The following CFAP20DC variants were observed in gnomAD, a reference collection of about 807,000 sequenced individuals.
CFAP20DC encodes CFAP20 domain containing.
A neutral mutation model predicts 101.7 loss-of-function variants in CFAP20DC; 84 were observed. The ratio of observed to expected loss-of-function variants is 0.83; its 90% CI spans 0.69 to 0.99. The LOEUF is 0.99. Among genes scored for constraint, CFAP20DC ranks in the 50% least tolerant of loss-of-function variants. The probability of loss-of-function intolerance (pLI) is 0.00; values close to 1 mark genes in which losing one functional copy is unlikely to be tolerated. For synonymous variants in CFAP20DC, 359 were observed against 351.2 expected, an observed-to-expected ratio of 1.02 and a Z score of -0.25; for missense variants, 1,007 against 970.3, an observed-to-expected ratio of 1.04 and a Z score of -0.50.
At position 58,732,996 on chromosome 3, in the gene CFAP20DC, A is replaced by C. The variant is rs1157685688; in HGVS notation, c.198-15368T>G. On this transcript the variant is annotated intron_variant, in intron 3 of 3. Transcript: ENST00000486145. The surrounding 1 kb of genome is among the most constrained non-coding windows in gnomAD (Gnocchi z 5.4). ...TCCAATCATTAGAAAAACCTCATTAATTTTGTCTACGGGGAAGAGAGCCAG... is the reference window on the plus strand; with the variant it reads ...TCCAATCATTAGAAAAACCTCATTACTTTTGTCTACGGGGAAGAGAGCCAG... Among the ~76,000 whole-genome samples the C allele has an allele frequency of 6.6e-6, 1 of 152,176 alleles. No individual in the cohort carries two copies. Among genetic ancestry groups the C allele is most frequent in the East Asian group, 1.9e-4 (1 of 5,196 alleles).
intron 13 of CFAP20DC, among the ~76,000 whole-genome samples, chr3:58,834,640 T>C (rs9852216): frequency 0.12 from 18,129 of 152,032 alleles, 1,930 homozygotes; most frequent in East Asian, 0.35. Context: ...CTAGGAAAAT[T>C]ACCTAACCTC....
At chr3:58,812,403 T>C (rs1047600856) in intron 14 of CFAP20DC, among the ~76,000 whole-genome samples, 3 of 152,054 alleles carry the variant, frequency 2.0e-5, no homozygotes, top group Non-Finnish European at 4.4e-5. Flanking sequence ...ATGTCCTTTG[T>C]AGGGACATGG....
At chr3:58,948,487 A>G (rs1424948279) in intron 4 of CFAP20DC, among the ~76,000 whole-genome samples, 3 of 152,188 alleles carry the variant, frequency 2.0e-5, no homozygotes, top group Non-Finnish European at 4.4e-5. Flanking sequence ...CCATGAACTG[A>G]TGCAAATATG....
At chr3:58,938,196 C>G (rs140803579) in intron 4 of CFAP20DC, among the ~76,000 whole-genome samples, 26 of 152,292 alleles carry the variant, frequency 1.7e-4, no homozygotes, top group Middle Eastern at 3.4e-3. Context: ...TGTATAGGCT[C>G]TTAGTCTGCT....
chr3:58,762,886 A>G (rs559604682), intron 15 of CFAP20DC, among the ~76,000 whole-genome samples: 101 of 152,308 alleles, frequency 6.6e-4, no homozygotes, highest in African/African-American at 2.3e-3. Flanking sequence ...TCTGGCTTGT[A>G]GAGTTTCTGC....
At chr3:59,031,710 G>C (rs192418200) in intron 4 of CFAP20DC, among the ~76,000 whole-genome samples, 1 of 152,214 alleles carries the variant, frequency 6.6e-6, no homozygotes, top group East Asian at 1.9e-4. Flanking sequence ...AGACAAGATT[G>C]TATATTGATA....
chr3:58,849,648 T>C (rs2078046793), intron 12 of CFAP20DC, among the ~76,000 whole-genome samples: 1 of 152,184 alleles, frequency 6.6e-6, no homozygotes, highest in African/African-American at 2.4e-5. Flanking sequence ...AGGCATATTT[T>C]TTACTCATGA....
intron 4 of CFAP20DC, among the ~76,000 whole-genome samples, chr3:58,974,544 A>G (rs2092158410): frequency 6.6e-6 from 1 of 152,112 alleles, no homozygotes; most frequent in South Asian, 2.1e-4. Context: ...CCTTAGAATG[A>G]TCCTGTATGG....
chr3:58,780,530 T>C (rs970301815), intron 15 of CFAP20DC, among the ~76,000 whole-genome samples: 5 of 151,930 alleles, frequency 3.3e-5, no homozygotes, highest in African/African-American at 1.2e-4. Context: ...TCCAAGTATA[T>C]GCTGCCTACA....
chr3:58,724,809 GGGTGGGTGGTGTT>G lies in CFAP20DC; in HGVS notation c.198-7194_198-7182del, dbSNP rs1415276333. Among the ~76,000 whole-genome samples, 1 of 151,990 alleles carries G rather than the reference GGGTGGGTGGTGTT, an allele frequency of 6.6e-6. No homozygotes were observed. Among genetic ancestry groups the G allele is most frequent in the East Asian group, 1.9e-4 (1 of 5,176 alleles). On this transcript the variant is annotated intron_variant, in intron 3 of 3. Transcript: ENST00000486145. This position sits in a 1 kb window ranked among gnomAD's most constrained non-coding sequence, Gnocchi z 5.6. Reference sequence around the variant, plus strand: ...CGCCACCGGACTTCGGGTACCCTACGGGTGGGTGGTGTTGAGGCTGGTCCCCAACACAGCAGCA... The same window carrying G: ...CGCCACCGGACTTCGGGTACCCTACGGAGGCTGGTCCCCAACACAGCAGCA...
rs1446166770 is a variant in CFAP20DC, at chr3:59,006,649, G to A, written c.278+32908C>T. Among the ~76,000 whole-genome samples the A allele has an allele frequency of 6.6e-6, 1 of 152,166 alleles. No individual in the cohort carries two copies. The highest frequency in any genetic ancestry group is 1.5e-5 in the Non-Finnish European group (1 of 68,018). ...TAGAAGCAGTGGCAGGAAGAGCCTC[G>A]TAGGCAGTCCCATTCTCCAGCTTGA... On this transcript the variant is annotated intron_variant, in intron 4 of 16. Coordinates refer to ENST00000482387, the MANE Select transcript of CFAP20DC (RefSeq NM_001394063.1). The surrounding 1 kb of genome is among the most constrained non-coding windows in gnomAD (Gnocchi z 4.3).
In CFAP20DC at chr3:58,722,023, A is replaced by T. The variant is rs1397978692; in HGVS notation, c.198-4395T>A. Among the ~76,000 whole-genome samples, 1 of 152,220 alleles carries T rather than the reference A, an allele frequency of 6.6e-6. No homozygotes were observed. Among genetic ancestry groups the T allele is most frequent in the Admixed American group, 6.5e-5 (1 of 15,286 alleles). On this transcript the variant is annotated intron_variant, in intron 3 of 3. Transcript: ENST00000486145. The surrounding 1 kb of genome is among the most constrained non-coding windows in gnomAD (Gnocchi z 4.5). Reference sequence around the variant, plus strand: ...TTCTGGGACTAGTTCAGAAAAGGTCATGAGCTTTGTTTTCTTTTTACCTAG... The same window carrying T: ...TTCTGGGACTAGTTCAGAAAAGGTCTTGAGCTTTGTTTTCTTTTTACCTAG...
At chr3:58,816,382 G>A (rs1373233823) in intron 14 of CFAP20DC, among the ~76,000 whole-genome samples, 5 of 152,162 alleles carry the variant, frequency 3.3e-5, no homozygotes, top group South Asian at 2.1e-4. Flanking sequence ...TGAGGTACCG[G>A]GTTTATCTCA....
At chr3:58,848,259 T>C (rs1367821378) in intron 13 of CFAP20DC, among the ~76,000 whole-genome samples, 1 of 152,014 alleles carries the variant, frequency 6.6e-6, no homozygotes, top group Non-Finnish European at 1.5e-5. Flanking sequence ...TAATCATGAA[T>C]ATATCTACTA....
In CFAP20DC at chr3:59,015,806, G is replaced by T. The variant is rs1247062217; in HGVS notation, c.278+23751C>A. On this transcript the variant is annotated intron_variant, in intron 4 of 16. Transcript: ENST00000482387. This position sits in a 1 kb window ranked among gnomAD's most constrained non-coding sequence, Gnocchi z 5.4. The stretch of plus-strand genomic sequence containing the variant: ...TCTGTTCCCAAGGCTAAACAAAAGA[G>T]ATGGAGGCTGTAGAGCTGGGGACAA... Among the ~76,000 whole-genome samples, 1 of 152,152 alleles carries T rather than the reference G, an allele frequency of 6.6e-6. No homozygotes were observed. The highest frequency in any genetic ancestry group is 1.5e-5 in the Non-Finnish European group (1 of 68,012).
rs2107052413 is a variant in CFAP20DC, at chr3:58,722,936, GCTGC to G, written c.198-5312_198-5309del. 1.3e-5 allele frequency among the ~76,000 whole-genome samples: 2 copies of G among 152,314 alleles called. No individual in the cohort carries two copies. The highest frequency in any genetic ancestry group is 4.1e-4 in the South Asian group (2 of 4,828). The stretch of plus-strand genomic sequence containing the variant: ...ACCTTGTCAATTTTGGTAACATGCA[GCTGC>G]CACATTCATGAGCACATGATCAGGT... On this transcript the variant is annotated intron_variant, in intron 3 of 3. Transcript: ENST00000486145. This position sits in a 1 kb window ranked among gnomAD's most constrained non-coding sequence, Gnocchi z 4.5.
At chr3:58,961,665 G>A (rs2108236373) in intron 4 of CFAP20DC, among the ~76,000 whole-genome samples, 1 of 151,916 alleles carries the variant, frequency 6.6e-6, no homozygotes. Flanking sequence ...TTTTCTTGGT[G>A]GGAAGATTTT....
chr3:59,049,851 C>G lies in CFAP20DC; in HGVS notation c.-220G>C. On this transcript the variant is annotated 5_prime_UTR_variant, in exon 1 of 17. Coordinates refer to ENST00000482387, the MANE Select transcript of CFAP20DC (RefSeq NM_001394063.1). ...ATCAGCACCATTGCGGCTCCAGCCT[C>G]CGCGGTGCCCGGGTCTGGGGAGGGC... 2 of 606,270 alleles carry G rather than the reference C, an allele frequency of 3.3e-6. No homozygotes were observed. Among genetic ancestry groups the G allele is most frequent in the Middle Eastern group, 8.9e-4 (2 of 2,238 alleles). 37.6% of individuals were successfully genotyped at this position (606,270 alleles called of 1,614,324 possible).
At chr3:58,759,812 T>C (rs1453568608) in intron 15 of CFAP20DC, among the ~76,000 whole-genome samples, 1 of 152,178 alleles carries the variant, frequency 6.6e-6, no homozygotes, top group Non-Finnish European at 1.5e-5. Context: ...CATTGCTTGT[T>C]TTTCCCAGGT....
Sources: allele counts gnomAD v4.1 joint callset (sites outside exome capture counted in the v4.1 genomes callset), GRCh38; gene constraint gnomAD v4.1.1; non-coding constraint Gnocchi (gnomAD v3.1); transcripts MANE v1.5; gene names NCBI Gene and HGNC (gene_info 2026-07-23, HGNC 2026-07-21).